Variants in SYT11 observed in about 807,000 individuals in gnomAD.
SYT11 encodes the protein synaptotagmin 11, also known as synaptotagmin-11.
In SYT11, 12 loss-of-function variants were observed where a neutral mutation model predicts 30.4. The observed-to-expected ratio is 0.39, with a 90% CI of 0.25 to 0.64. SYT11 has a LOEUF of 0.64. Among genes scored for constraint, SYT11 ranks in the 30% least tolerant of loss-of-function variants. The pLI, the probability that SYT11 is intolerant of heterozygous loss-of-function variation, is 0.45. For synonymous variants in SYT11, 204 were observed against 216.0 expected, an observed-to-expected ratio of 0.94 and a Z score of 0.49; for missense variants, 412 against 552.0, an observed-to-expected ratio of 0.75 and a Z score of 2.54.
intron 2 of SYT11, among the ~76,000 whole-genome samples, chr1:155,877,215 A>G (rs1672878889): frequency 6.6e-6 from 1 of 151,502 alleles, no homozygotes; most frequent in Non-Finnish European, 1.5e-5. Context: ...TGATCCGCCC[A>G]CCTCAGCCTC....
chr1:155,876,810 G>C (rs143502811), intron 2 of SYT11, among the ~76,000 whole-genome samples: 49 of 151,988 alleles, frequency 3.2e-4, no homozygotes, highest in Admixed American at 9.2e-4. Context: ...TTTTGAGATG[G>C]AGTCTCACTC....
chr1:155,880,715 T>C, intron 3 of SYT11, 92 bp downstream of exon 3: 1 of 1,475,584 alleles, frequency 6.8e-7, no homozygotes, highest in Non-Finnish European at 9.3e-7. Context: ...TCAAGATCCT[T>C]GCCTCTTTCA....
At chr1:155,873,193 C>T (rs781191642) in intron 2 of SYT11, among the ~76,000 whole-genome samples, 4 of 152,070 alleles carry the variant, frequency 2.6e-5, no homozygotes, top group African/African-American at 7.2e-5. Context: ...TTTGGGAGGC[C>T]GAGGCAGGCG....
At chr1:155,876,235 CTTTTTTTTTTT>C (rs67952920) in intron 2 of SYT11, among the ~76,000 whole-genome samples, 43 of 96,126 alleles carry the variant, frequency 4.5e-4, no homozygotes, top group Non-Finnish European at 5.6e-4. Context: ...ACTCACCTCC[CTTTTTTTTTTT>C]TTTTTTTTTT....
Position 155,868,176 on chromosome 1 carries a change from A to C in SYT11, c.246A>C (p.Lys82Asn). ...AAATCATCAAAGTGCGGAGAGACAA[A>C]GATGGTCCTGGGAGGGAAGGTGGAC... is the stretch of plus-strand genomic sequence containing the variant. ...KKKIIKVRRD[K>N]DGPGREGGRR... is the part of the protein sequence containing the mutation. Residue 82 changes from lysine (K) to asparagine (N), a missense_variant, in exon 2 of 4, where the codon AAA becomes AAC. By Grantham distance (94) the Lys-to-Asn change is moderately conservative (BLOSUM62 0). Coordinates refer to ENST00000368324, the MANE Select transcript of SYT11 (RefSeq NM_152280.5). The surrounding 1 kb of genome is among the most constrained non-coding windows in gnomAD (Gnocchi z 4.7). 1 of 1,614,146 alleles carries C rather than the reference A, an allele frequency of 6.2e-7. No individual in the cohort carries two copies. The highest frequency in any genetic ancestry group is 8.5e-7 in the Non-Finnish European group (1 of 1,180,020).
In SYT11 at chr1:155,859,597, G is replaced by A. The variant is rs781105229; in HGVS notation, c.-165G>A. Reference sequence around the variant, plus strand: ...ATCCCCGGAGCATCTTAAGAGCTGAGCGCAGCTGACAACTAGGGGCCGGAC... The same window carrying A: ...ATCCCCGGAGCATCTTAAGAGCTGAACGCAGCTGACAACTAGGGGCCGGAC... On this transcript the variant is annotated 5_prime_UTR_variant, in exon 1 of 4. Coordinates refer to ENST00000368324, the MANE Select transcript of SYT11 (RefSeq NM_152280.5). The A allele has an allele frequency of 1.7e-5, 12 of 696,966 alleles. No individual in the cohort carries two copies. The highest frequency in any genetic ancestry group is 2.9e-5 in the Non-Finnish European group (11 of 384,326). 43.2% of individuals were successfully genotyped at this position (696,966 alleles called of 1,614,324 possible). A position where few individuals can be genotyped will look rare whatever the true frequency, so the allele number is the denominator to read the frequency against.
intron 2 of SYT11, among the ~76,000 whole-genome samples, chr1:155,869,309 C>T (rs1029134268): frequency 5.7e-5 from 6 of 104,842 alleles, no homozygotes; most frequent in East Asian, 3.3e-4. Flanking sequence ...TCACTCTTGT[C>T]GCCCAGGCTG....
chr1:155,864,708 CT>C (rs773089384), intron 1 of SYT11, among the ~76,000 whole-genome samples: 3,277 of 128,220 alleles, frequency 0.026, 52 homozygotes, highest in African/African-American at 0.085. Context: ...TGACTCAATC[CT>C]TTTTTTTTTT....
At chr1:155,871,183 C>T (rs565936088) in intron 2 of SYT11, among the ~76,000 whole-genome samples, 6 of 152,174 alleles carry the variant, frequency 3.9e-5, no homozygotes, top group Non-Finnish European at 8.8e-5. Flanking sequence ...AAGGGGTTTT[C>T]GCATCCTCTG....
intron 1 of SYT11, among the ~76,000 whole-genome samples, chr1:155,867,562 C>G (rs1672700790): frequency 1.3e-5 from 2 of 152,158 alleles, no homozygotes; most frequent in African/African-American, 4.8e-5. Flanking sequence ...ATGGAATATC[C>G]TGAAACCAAA....
intron 1 of SYT11, among the ~76,000 whole-genome samples, chr1:155,864,528 A>G (rs1408378042): frequency 6.6e-6 from 1 of 152,156 alleles, no homozygotes; most frequent in Non-Finnish European, 1.5e-5. Context: ...ATAGGAGAGG[A>G]TACCTCTAAT....
At position 155,883,918 on chromosome 1, in the gene SYT11, C is replaced by T. The variant is rs1352504199; in HGVS notation, c.*2410C>T. The T allele has an allele frequency of 6.6e-6, 1 of 152,330 alleles. No individual in the cohort carries two copies. The highest frequency in any genetic ancestry group is 6.6e-5 in the Admixed American group (1 of 15,258). 9.4% of individuals were successfully genotyped at this position (152,330 alleles called of 1,614,324 possible). The stretch of plus-strand genomic sequence containing the variant: ...GTTCTTGTCCCTGCCAACCCCCACC[C>T]CCCATAATCTGACTCACAACTTCAC... On this transcript the variant is annotated 3_prime_UTR_variant, in exon 4 of 4. Coordinates refer to ENST00000368324, the MANE Select transcript of SYT11 (RefSeq NM_152280.5).
intron 1 of SYT11, among the ~76,000 whole-genome samples, chr1:155,864,333 G>A (rs1474497968): frequency 6.6e-6 from 1 of 152,202 alleles, no homozygotes; most frequent in African/African-American, 2.4e-5. Context: ...TTTTATTATT[G>A]TCACTGCTAT....
At chr1:155,880,694 A>C in intron 3 of SYT11, 71 bp downstream of exon 3, 1 of 1,571,676 alleles carries the variant, frequency 6.4e-7, no homozygotes, top group Non-Finnish European at 8.7e-7. Flanking sequence ...GCCCAGATAG[A>C]CCTCCACACT....
At chr1:155,859,838 G>C (rs765935098) in intron 1 of SYT11, 43 bp downstream of exon 1, 2 of 1,597,444 alleles carry the variant, frequency 1.3e-6, no homozygotes, top group Non-Finnish European at 1.7e-6. Flanking sequence ...GGTCAGAATG[G>C]TTGCAAGGCC....
chr1:155,876,567 T>A (rs1313468519), intron 2 of SYT11, among the ~76,000 whole-genome samples: 1 of 151,922 alleles, frequency 6.6e-6, no homozygotes, highest in Non-Finnish European at 1.5e-5. Context: ...CCTTTTGTTT[T>A]CTTTATCCCA....
In SYT11 at chr1:155,882,320, T is replaced by G. The variant is rs769085647; in HGVS notation, c.*812T>G. The G allele has an allele frequency of 6.6e-6, 1 of 152,344 alleles. No homozygotes were observed. Among genetic ancestry groups the G allele is most frequent in the Non-Finnish European group, 1.5e-5 (1 of 68,050 alleles). The allele number at this position is 152,344 out of a possible 1,614,324, so 9.4% of individuals were successfully genotyped here. A position where few individuals can be genotyped will look rare whatever the true frequency, so the allele number is the denominator to read the frequency against. Reference sequence around the variant, plus strand: ...ATTTTGCTCTTATAAAACCTCATGTTTTCATCATTCCCATCTTTTCTTTTT... The same window carrying G: ...ATTTTGCTCTTATAAAACCTCATGTGTTCATCATTCCCATCTTTTCTTTTT... On this transcript the variant is annotated 3_prime_UTR_variant, in exon 4 of 4. Coordinates refer to ENST00000368324, the MANE Select transcript of SYT11 (RefSeq NM_152280.5).
At chr1:155,875,236 C>T (rs1209456831) in intron 2 of SYT11, among the ~76,000 whole-genome samples, 3 of 110,130 alleles carry the variant, frequency 2.7e-5, no homozygotes, top group African/African-American at 6.9e-5. Context: ...TGTGACAGAG[C>T]GAGACTTCAT....
chr1:155,859,627 G>C lies in SYT11; in HGVS notation c.-135G>C. On this transcript the variant is annotated 5_prime_UTR_variant, in exon 1 of 4. Coordinates refer to ENST00000368324, the MANE Select transcript of SYT11 (RefSeq NM_152280.5). ...GCTGACAACTAGGGGCCGGACCGTCGCAGGAGGCGTCCGCTGGATACCTTC... is the reference window on the plus strand; with the variant it reads ...GCTGACAACTAGGGGCCGGACCGTCCCAGGAGGCGTCCGCTGGATACCTTC... The C allele has an allele frequency of 1.2e-6, 1 of 816,878 alleles. No individual in the cohort carries two copies. The highest frequency in any genetic ancestry group is 2.1e-6 in the Non-Finnish European group (1 of 474,188). The allele number at this position is 816,878 out of a possible 1,614,324, so 50.6% of individuals were successfully genotyped here.
Sources: gnomAD v4.1 joint callset for allele counts (sites outside exome capture counted in the v4.1 genomes callset) on GRCh38, gnomAD v4.1.1 for gene constraint, Gnocchi (gnomAD v3.1) non-coding constraint, MANE v1.5 for transcripts, NCBI Gene and HGNC (gene_info 2026-07-23, HGNC 2026-07-21) for gene names.